Variants in GFRA2 observed in about 807,000 individuals in gnomAD.
GFRA2 encodes GDNF family receptor alpha 2, also known as GDNF family receptor alpha-2.
GFRA2 carries 17 observed loss-of-function variants against 48.3 expected under a neutral mutation model. The ratio of observed to expected loss-of-function variants is 0.35; its 90% CI spans 0.24 to 0.53. The LOEUF is 0.53. GFRA2 is among the 20% of genes least tolerant of loss of function. The pLI is 0.93. For missense variants in GFRA2, 660 were observed against 637.3 expected (o/e 1.04, Z -0.38); for synonymous variants, 305 against 257.2 (o/e 1.19, Z -1.78).
At chr8:21,730,858 T>C (rs1268165225) in intron 4 of GFRA2, among the ~76,000 whole-genome samples, 1 of 152,136 alleles carries the variant, frequency 6.6e-6, no homozygotes, top group African/African-American at 2.4e-5. Context: ...AGGTAAATCA[T>C]AGTGTAGGAA....
intron 8 of GFRA2, among the ~76,000 whole-genome samples, 168 bp from the exon 9 acceptor site, chr8:21,693,568 G>C (rs148527611): frequency 6.6e-6 from 1 of 152,062 alleles, no homozygotes; most frequent in African/African-American, 2.4e-5. Flanking sequence ...AGGGAGCGCT[G>C]ACTCTCCCGG....
intron 2 of GFRA2, among the ~76,000 whole-genome samples, chr8:21,780,525 T>A (rs1337377646): frequency 6.6e-6 from 1 of 152,116 alleles, no homozygotes; most frequent in Non-Finnish European, 1.5e-5. Flanking sequence ...GCACACCCCC[T>A]TGGCCCTGGT....
chr8:21,750,088 T>TACACAC lies in GFRA2; in HGVS notation c.794+494_794+499dup, dbSNP rs531507245. On this transcript the variant is annotated intron_variant, in intron 4 of 8. Transcript: ENST00000524240. The surrounding 1 kb of genome is among the most constrained non-coding windows in gnomAD (Gnocchi z 5.7). ...GTGTATATATGTGTGTGTGTGTGTA[T>TACACAC]ACACACACACACACACACACACGCA... Among the ~76,000 whole-genome samples the TACACAC allele has an allele frequency of 1.3e-4, 19 of 147,566 alleles. No individual in the cohort carries two copies. Among genetic ancestry groups the TACACAC allele is most frequent in the African/African-American group, 4.5e-4 (18 of 40,272 alleles).
chr8:21,742,361 C>T (rs1047692032), intron 4 of GFRA2, among the ~76,000 whole-genome samples: 2 of 152,150 alleles, frequency 1.3e-5, no homozygotes. Context: ...TGCGTGCACA[C>T]ATCAACAAAG....
chr8:21,785,096 T>C (rs1047424550), intron 1 of GFRA2, among the ~76,000 whole-genome samples: 1 of 152,304 alleles, frequency 6.6e-6, no homozygotes, highest in East Asian at 1.9e-4. Context: ...GGCCTGGAAA[T>C]GGAACTTCCT....
upstream of GFRA2, among the ~76,000 whole-genome samples, chr8:21,792,835 C>T (rs1016633912): frequency 6.6e-5 from 10 of 152,204 alleles, no homozygotes; most frequent in South Asian, 2.1e-4. Flanking sequence ...GAGGCAGAGG[C>T]GGGCAGATCA....
intron 2 of GFRA2, among the ~76,000 whole-genome samples, chr8:21,802,729 C>A (rs1807792830): frequency 6.6e-6 from 1 of 152,012 alleles, no homozygotes; most frequent in African/African-American, 2.4e-5. Context: ...TGAAAAAGTG[C>A]AATAATGTTT....
chr8:21,800,999 C>T (rs944946202), intron 2 of GFRA2, among the ~76,000 whole-genome samples: 1 of 151,858 alleles, frequency 6.6e-6, no homozygotes, highest in Non-Finnish European at 1.5e-5. Context: ...CATCCCACTT[C>T]CCTAAGGAGA....
At chr8:21,783,201 G>T (rs1490171154) in intron 1 of GFRA2, 2 of 549,108 alleles carry the variant, frequency 3.6e-6, no homozygotes, top group Non-Finnish European at 3.5e-6. Flanking sequence ...AGTCTAAGAC[G>T]TCAGGAGCCC....
chr8:21,722,140 C>G (rs915391858), intron 4 of GFRA2, among the ~76,000 whole-genome samples: 12 of 152,158 alleles, frequency 7.9e-5, no homozygotes, highest in Non-Finnish European at 1.2e-4. Flanking sequence ...TAGCTGATCC[C>G]AGAAACCATT....
intron 2 of GFRA2, among the ~76,000 whole-genome samples, chr8:21,777,741 G>A (rs953724232): frequency 1.2e-4 from 18 of 152,144 alleles, no homozygotes; most frequent in African/African-American, 4.3e-4. Context: ...CCGTGGGATC[G>A]CCCCCAAGAC....
At chr8:21,698,210 C>A (rs1048282821) in intron 7 of GFRA2, among the ~76,000 whole-genome samples, 19 of 152,214 alleles carry the variant, frequency 1.2e-4, no homozygotes, top group African/African-American at 4.6e-4. Flanking sequence ...AGCAAATCCT[C>A]CACCATGGAG....
At chr8:21,725,229 C>G (rs1803806899) in intron 4 of GFRA2, among the ~76,000 whole-genome samples, 1 of 152,252 alleles carries the variant, frequency 6.6e-6, no homozygotes, top group Non-Finnish European at 1.5e-5. Flanking sequence ...AAGCAGAGCC[C>G]TCAGGGCTGG....
intron 3 of GFRA2, among the ~76,000 whole-genome samples, chr8:21,765,666 T>A (rs1806117126): frequency 6.6e-6 from 1 of 152,090 alleles, no homozygotes; most frequent in African/African-American, 2.4e-5. Context: ...ATTCCAGGCC[T>A]ACATCTAACT....
At chr8:21,748,266 T>C (rs1209341513) in intron 4 of GFRA2, among the ~76,000 whole-genome samples, 3 of 152,144 alleles carry the variant, frequency 2.0e-5, no homozygotes, top group Admixed American at 2.0e-4. Flanking sequence ...CCTCAAATGC[T>C]GCATGTCCAA....
intron 4 of GFRA2, among the ~76,000 whole-genome samples, chr8:21,707,821 C>G (rs931089261): frequency 6.6e-6 from 1 of 152,240 alleles, no homozygotes; most frequent in African/African-American, 2.4e-5. Flanking sequence ...CTTAATGCCA[C>G]TGACTTATAC....
chr8:21,796,954 T>C (rs201142353), intron 2 of GFRA2, among the ~76,000 whole-genome samples: 1,869 of 152,278 alleles, frequency 0.012, 52 homozygotes, highest in East Asian at 0.12. Context: ...CCCAAGAGCT[T>C]TCTGAAATCA....
intron 3 of GFRA2, among the ~76,000 whole-genome samples, chr8:21,766,047 C>T (rs1457018150): frequency 2.0e-5 from 3 of 152,126 alleles, no homozygotes; most frequent in Non-Finnish European, 2.9e-5. Flanking sequence ...ATAGATCATA[C>T]TGTGCTAGTC....
chr8:21,703,577 G>C (rs1802591497), intron 6 of GFRA2, among the ~76,000 whole-genome samples: 1 of 152,210 alleles, frequency 6.6e-6, no homozygotes, highest in Admixed American at 6.5e-5. Context: ...GCCTGGGCTA[G>C]GCGTCTCCTC....
Sources: gnomAD v4.1 joint callset for allele counts (sites outside exome capture counted in the v4.1 genomes callset) on GRCh38, gnomAD v4.1.1 for gene constraint, Gnocchi (gnomAD v3.1) non-coding constraint, MANE v1.5 for transcripts, NCBI Gene and HGNC (gene_info 2026-07-23, HGNC 2026-07-21) for gene names.